Variants in TBL1XR1 observed in about 807,000 individuals in gnomAD.
TBL1XR1 encodes F-box-like/WD repeat-containing protein TBL1XR1.
TBL1XR1 carries 5 observed loss-of-function variants against 66.9 expected under a neutral mutation model. The observed-to-expected ratio is 0.07, with a 90% confidence interval of 0.04 to 0.16. The LOEUF is 0.16. TBL1XR1 is among the 10% of genes least tolerant of loss of function. The pLI is 1.00. For missense variants in TBL1XR1, 238 were observed against 623.2 expected (o/e 0.38, Z 6.58); for synonymous variants, 210 against 206.0 (o/e 1.02, Z -0.17).
At chr3:177,113,852 A>G (rs1393899297) in intron 1 of TBL1XR1, among the ~76,000 whole-genome samples, 1 of 152,182 alleles carries the variant, frequency 6.6e-6, no homozygotes, top group East Asian at 1.9e-4. Context: ...CAAAAAGACA[A>G]AAGACAACAA....
chr3:177,150,215 G>A (rs191763415), intron 1 of TBL1XR1, among the ~76,000 whole-genome samples: 33 of 152,182 alleles, frequency 2.2e-4, no homozygotes, highest in African/African-American at 8.0e-4. Flanking sequence ...GAAAAGCCCG[G>A]TAGTAAGGAA....
Position 177,022,149 on chromosome 3 carries a change from T to G in TBL1XR1, c.*3349A>C, listed in dbSNP as rs1179632586. 6.6e-6 allele frequency: 1 copy of G among 152,586 alleles called. No individual in the cohort carries two copies. The highest frequency in any genetic ancestry group is 6.6e-5 in the Admixed American group (1 of 15,266). 9.5% of individuals were successfully genotyped at this position (152,586 alleles called of 1,614,324 possible). ...AAGGGAAAAAGGAGTGCTTTGTAAG[T>G]GAAAAAGTACAAATCTTTGGCCTTT... On this transcript the variant is annotated 3_prime_UTR_variant, in exon 16 of 16. Coordinates refer to ENST00000457928, the MANE Select transcript of TBL1XR1 (RefSeq NM_024665.7).
intron 2 of TBL1XR1, among the ~76,000 whole-genome samples, chr3:177,066,904 C>T (rs1383346916): frequency 6.6e-6 from 1 of 151,980 alleles, no homozygotes; most frequent in African/African-American, 2.4e-5. Flanking sequence ...GAAAAGGTAC[C>T]CTCTTCACCA....
At chr3:177,101,847 G>C (rs767871973) in intron 1 of TBL1XR1, among the ~76,000 whole-genome samples, 1 of 152,078 alleles carries the variant, frequency 6.6e-6, no homozygotes, top group South Asian at 2.1e-4. Context: ...GGTGCTTTGC[G>C]GAACCTCCAC....
chr3:177,201,671 A>T (rs1271962181), upstream of TBL1XR1: 1 of 152,232 alleles, frequency 6.6e-6, no homozygotes, highest in Non-Finnish European at 1.5e-5. Context: ...ACTTAATTGT[A>T]TAAAAAAGAC....
intron 1 of TBL1XR1, among the ~76,000 whole-genome samples, chr3:177,125,696 C>T (rs1032532393): frequency 2.9e-4 from 44 of 152,040 alleles, no homozygotes; most frequent in African/African-American, 1.0e-3. Flanking sequence ...GTATACTTGA[C>T]GTGCCATGGA....
chr3:177,090,057 C>T (rs972471478), intron 2 of TBL1XR1, among the ~76,000 whole-genome samples: 3 of 152,208 alleles, frequency 2.0e-5, no homozygotes, highest in Admixed American at 6.5e-5. Flanking sequence ...GGCAAATTGA[C>T]ATGCACATTT....
At chr3:177,042,836 T>A (rs1440224505) in intron 10 of TBL1XR1, among the ~76,000 whole-genome samples, 2 of 152,050 alleles carry the variant, frequency 1.3e-5, no homozygotes, top group African/African-American at 4.8e-5. Flanking sequence ...CATTAACCCA[T>A]GTAGCCTCCA....
At chr3:177,189,295 A>C in intron 1 of TBL1XR1, among the ~76,000 whole-genome samples, 1 of 102,246 alleles carries the variant, frequency 9.8e-6, no homozygotes, top group East Asian at 3.8e-4. Flanking sequence ...AGGTGGGCAG[A>C]TAACAAGGCC....
chr3:177,154,109 AAAAAC>A (rs754017862), intron 1 of TBL1XR1, among the ~76,000 whole-genome samples: 1 of 151,752 alleles, frequency 6.6e-6, no homozygotes, highest in Non-Finnish European at 1.5e-5. Flanking sequence ...GCCTGAATTT[AAAAAC>A]AAACAAAAAT....
chr3:177,067,471 TAACA>T (rs1719316235), intron 2 of TBL1XR1, among the ~76,000 whole-genome samples: 1 of 127,628 alleles, frequency 7.8e-6, no homozygotes, highest in African/African-American at 3.0e-5. Flanking sequence ...CTGAAACTAG[TAACA>T]AGTGATGCTT....
chr3:177,050,451 A>T lies in TBL1XR1; in HGVS notation c.560+27T>A, dbSNP rs1240553573. On this transcript the variant is annotated intron_variant, in intron 6 of 15. Transcript: ENST00000457928. Reference sequence around the variant, plus strand: ...ATGTTCAATAAGATATTTTTAAGTCATTTTAGTATCACTTTGAGAAACATA... The same window carrying T: ...ATGTTCAATAAGATATTTTTAAGTCTTTTTAGTATCACTTTGAGAAACATA... 4 of 1,610,836 alleles carry T rather than the reference A, an allele frequency of 2.5e-6. No homozygotes were observed. In the East Asian group the frequency reaches 6.7e-5, roughly 27 times the overall value.
intron 1 of TBL1XR1, among the ~76,000 whole-genome samples, chr3:177,118,004 T>C (rs530097661): frequency 2.0e-5 from 3 of 152,316 alleles, no homozygotes; most frequent in East Asian, 1.9e-4. Context: ...ACCAGGAATC[T>C]AGGGCCAATG....
intron 1 of TBL1XR1, among the ~76,000 whole-genome samples, chr3:177,143,253 G>A (rs987697194): frequency 6.6e-6 from 1 of 151,852 alleles, no homozygotes; most frequent in Non-Finnish European, 1.5e-5. Context: ...TGTTATGACC[G>A]AGGCCTACAG....
intron 5 of TBL1XR1, among the ~76,000 whole-genome samples, chr3:177,051,073 A>T (rs890566993): frequency 6.6e-6 from 1 of 152,208 alleles, no homozygotes; most frequent in African/African-American, 2.4e-5. Flanking sequence ...GTAAAAATTC[A>T]TTTAACAATG....
intron 1 of TBL1XR1, among the ~76,000 whole-genome samples, chr3:177,123,529 T>G (rs1727240509): frequency 6.6e-6 from 1 of 152,098 alleles, no homozygotes; most frequent in South Asian, 2.1e-4. Flanking sequence ...TTTAAAAGAT[T>G]ATTCCAAAAA....
intron 2 of TBL1XR1, chr3:177,091,040 A>C (rs1560164534): frequency 6.6e-6 from 1 of 151,064 alleles, no homozygotes; most frequent in Non-Finnish European, 1.5e-5. Flanking sequence ...GGAAGAAGAA[A>C]AGGGAAATGG....
chr3:177,133,656 C>CT (rs1728566342), intron 1 of TBL1XR1, among the ~76,000 whole-genome samples: 1 of 152,064 alleles, frequency 6.6e-6, no homozygotes, highest in Non-Finnish European at 1.5e-5. Flanking sequence ...AATGCCAACA[C>CT]TTTGAGAGGC....
In TBL1XR1 at chr3:177,143,316, A is replaced by AG. The variant is rs1729846837; in HGVS notation, c.-121-44776dup. Among the ~76,000 whole-genome samples the AG allele has an allele frequency of 2.6e-5, 4 of 152,142 alleles. No homozygotes were observed. In the South Asian group the frequency reaches 8.3e-4, roughly 32 times the overall value. On this transcript the variant is annotated intron_variant, in intron 1 of 15. Coordinates refer to ENST00000457928, the MANE Select transcript of TBL1XR1 (RefSeq NM_024665.7). ...AGCGATGCTCAGTATTTGCTAAGTC[A>AG]GTGTTCAAGGCAACTATAAAGAACA...
Sources: gnomAD v4.1 joint callset for allele counts (sites outside exome capture counted in the v4.1 genomes callset) on GRCh38, gnomAD v4.1.1 for gene constraint, MANE v1.5 for transcripts, NCBI Gene and HGNC (gene_info 2026-07-23, HGNC 2026-07-21) for gene names.